ZNRF3: variants seen among roughly 807,000 people sequenced by gnomAD.
The protein encoded by ZNRF3 is E3 ubiquitin-protein ligase ZNRF3.
A neutral mutation model predicts 72.5 loss-of-function variants in ZNRF3; 23 were observed. The ratio of observed to expected loss-of-function variants is 0.32; its 90% CI spans 0.23 to 0.45. The LOEUF (loss-of-function observed/expected upper bound fraction) is 0.45, where lower values mean the gene tolerates loss of function less well. Ranked by LOEUF, ZNRF3 falls within the 20% of genes least tolerant of loss-of-function variation. The pLI, the probability that ZNRF3 is intolerant of heterozygous loss-of-function variation, is 1.00. For missense variants in ZNRF3, 1,169 were observed against 1,272.1 expected (o/e 0.92, Z 1.23); for synonymous variants, 610 against 545.3 (o/e 1.12, Z -1.65).
intron 1 of ZNRF3, among the ~76,000 whole-genome samples, chr22:28,896,840 C>T (rs887290639): frequency 1.3e-5 from 2 of 152,158 alleles, no homozygotes; most frequent in African/African-American, 4.8e-5. Flanking sequence ...CAAGACAATG[C>T]TTGGCTTGCT....
At chr22:28,951,069 T>G (rs1315178013) in intron 1 of ZNRF3, among the ~76,000 whole-genome samples, 3 of 152,244 alleles carry the variant, frequency 2.0e-5, no homozygotes, top group Non-Finnish European at 4.4e-5. Flanking sequence ...ATTATTCATT[T>G]AACTTATTCC....
Position 29,050,542 on chromosome 22 carries a change from G to T in ZNRF3, c.2361G>T (p.Val787=), listed in dbSNP as rs755338562. ...LPCCFYEEKQ[V]ARGGGGGSGC... is the part of the protein sequence containing the mutation. ...GCTGCTTCTATGAAGAGAAGCAGGTGGCCCGCGGGGGCGGAGGGGGCAGCG... is the reference window on the plus strand; with the variant it reads ...GCTGCTTCTATGAAGAGAAGCAGGTTGCCCGCGGGGGCGGAGGGGGCAGCG... The change falls in exon 8 of 9, where the codon GTG becomes GTT. Residue 787 remains valine (V), a synonymous_variant. Transcript: ENST00000544604. 1 of 1,610,414 alleles carries T rather than the reference G, an allele frequency of 6.2e-7. No individual in the cohort carries two copies. Among genetic ancestry groups the T allele is most frequent in the Non-Finnish European group, 8.5e-7 (1 of 1,178,820 alleles).
chr22:28,889,845 G>A (rs1446914897), intron 1 of ZNRF3, among the ~76,000 whole-genome samples: 1 of 152,122 alleles, frequency 6.6e-6, no homozygotes, highest in Admixed American at 6.5e-5. Flanking sequence ...AAAATGAAAC[G>A]GAGCACCTGT....
At chr22:29,034,650 T>C (rs557587991) in intron 2 of ZNRF3, among the ~76,000 whole-genome samples, 1 of 152,360 alleles carries the variant, frequency 6.6e-6, no homozygotes, top group East Asian at 1.9e-4. Context: ...AGGAAAATCA[T>C]TCCCTTAGTA....
In ZNRF3 at chr22:28,935,309, G is replaced by A. The variant is rs138759335; in HGVS notation, c.300+51243G>A. 7.9e-3 allele frequency among the ~76,000 whole-genome samples: 1,200 copies of A among 152,294 alleles called. 17 individuals are homozygous for A. The highest frequency in any genetic ancestry group is 0.028 in the African/African-American group (1,159 of 41,542). On this transcript the variant is annotated intron_variant, in intron 1 of 8. Coordinates refer to ENST00000544604, the MANE Select transcript of ZNRF3 (RefSeq NM_001206998.2). ...GCCCTTTGCCCCTAGAGGTCCCACT[G>A]TGAGTGCCCCAGTCACATGATCCAC...
intron 1 of ZNRF3, among the ~76,000 whole-genome samples, chr22:28,981,761 C>A (rs930416972): frequency 2.6e-5 from 4 of 152,234 alleles, no homozygotes; most frequent in African/African-American, 7.2e-5. Context: ...TTTTGGGAGT[C>A]CAAGGCGGGT....
chr22:28,942,894 A>AT (rs1461764156), intron 1 of ZNRF3, among the ~76,000 whole-genome samples: 2 of 152,028 alleles, frequency 1.3e-5, no homozygotes, highest in East Asian at 1.9e-4. Context: ...GGATTTAGAG[A>AT]TTTTTTTACC....
chr22:29,007,973 C>T (rs1210306161), intron 2 of ZNRF3, among the ~76,000 whole-genome samples: 1 of 151,962 alleles, frequency 6.6e-6, no homozygotes, highest in Non-Finnish European at 1.5e-5. Flanking sequence ...TCAGGCTGGT[C>T]TCGAACTCCC....
intron 1 of ZNRF3, among the ~76,000 whole-genome samples, chr22:28,941,974 A>G (rs940967225): frequency 6.6e-6 from 1 of 152,158 alleles, no homozygotes; most frequent in Non-Finnish European, 1.5e-5. Context: ...AACAACAACA[A>G]CAACAACAAA....
rs1569293213 is a variant in ZNRF3, at chr22:29,042,562, T to C, written c.494T>C (p.Ile165Thr). ...GATGTGTCTGAAAACCCAGAAGCTA[T>C]TGATCAGGTAAGCTCCTCAGGCCAT... Reference protein sequence around the residue: ...IFDVSENPEAIDQLNQGSEDP... With the variant: ...IFDVSENPEATDQLNQGSEDP... Residue 165 changes from isoleucine to threonine, a missense_variant, in exon 3 of 9, where the codon ATT becomes ACT. Ile to Thr is a moderately conservative substitution (Grantham distance 89). This residue lies in a region of ZNRF3 where 386 missense variants were observed against 540.7 expected (regional missense o/e 0.71). Coordinates refer to ENST00000544604, the MANE Select transcript of ZNRF3 (RefSeq NM_001206998.2). 3 of 1,613,462 alleles carry C rather than the reference T, an allele frequency of 1.9e-6. No individual in the cohort carries two copies. The highest frequency in any genetic ancestry group is 1.7e-4 in the Middle Eastern group (1 of 5,718).
At chr22:28,941,630 G>T (rs1470931431) in intron 1 of ZNRF3, among the ~76,000 whole-genome samples, 1 of 152,084 alleles carries the variant, frequency 6.6e-6, no homozygotes, top group African/African-American at 2.4e-5. Flanking sequence ...AAAACAGACT[G>T]CTCAACTGGG....
intron 2 of ZNRF3, among the ~76,000 whole-genome samples, chr22:29,006,227 T>TTTTG (rs2036241737): frequency 6.7e-6 from 1 of 150,284 alleles, no homozygotes; most frequent in Admixed American, 6.6e-5. Context: ...TTTTTTTTTT[T>TTTTG]TTTTTGAGAC....
intron 1 of ZNRF3, among the ~76,000 whole-genome samples, chr22:28,900,497 T>A (rs914007617): frequency 2.0e-5 from 3 of 152,202 alleles, no homozygotes; most frequent in Admixed American, 6.5e-5. Context: ...GTAAGCCAGA[T>A]CAGAGCCCAG....
chr22:28,994,500 T>G (rs1226796472), intron 2 of ZNRF3, among the ~76,000 whole-genome samples: 2 of 152,078 alleles, frequency 1.3e-5, no homozygotes, highest in African/African-American at 4.8e-5. Context: ...CTTCGTTCCT[T>G]TTATCACTCA....
intron 5 of ZNRF3, among the ~76,000 whole-genome samples, chr22:29,046,176 G>A (rs796637751): frequency 3.9e-5 from 6 of 152,168 alleles, no homozygotes; most frequent in African/African-American, 1.4e-4. Flanking sequence ...ACCCCCAAAT[G>A]TATGGCAGGG....
At chr22:29,019,066 A>G (rs1319176423) in intron 2 of ZNRF3, among the ~76,000 whole-genome samples, 3 of 151,528 alleles carry the variant, frequency 2.0e-5, no homozygotes, top group East Asian at 1.9e-4. Flanking sequence ...CTTATCATCC[A>G]GTAGACTAGC....
intron 1 of ZNRF3, among the ~76,000 whole-genome samples, chr22:28,975,345 T>C (rs559816165): frequency 4.0e-5 from 6 of 151,718 alleles, no homozygotes; most frequent in Non-Finnish European, 7.4e-5. Flanking sequence ...CTACTAAAAA[T>C]ACCAAAATTA....
intron 1 of ZNRF3, among the ~76,000 whole-genome samples, chr22:28,904,940 CTTT>C (rs563812107): frequency 7.2e-6 from 1 of 139,546 alleles, no homozygotes; most frequent in Non-Finnish European, 1.6e-5. Context: ...GTGAAAGTGT[CTTT>C]TTTTTTTTTT....
At position 28,883,586 on chromosome 22, in the gene ZNRF3, T is replaced by G; in HGVS notation, c.-181T>G. 1 of 505,914 alleles carries G rather than the reference T, an allele frequency of 2.0e-6. No homozygotes were observed. The highest frequency in any genetic ancestry group is 2.5e-6 in the Non-Finnish European group (1 of 392,394). 31.3% of individuals were successfully genotyped at this position (505,914 alleles called of 1,614,324 possible). A position where few individuals can be genotyped will look rare whatever the true frequency, so the allele number is the denominator to read the frequency against. ...GCCGGGGCGGGGATAACCCCTCACG[T>G]GGAGCAGATGAAAGGGCCGCGGCGC... On this transcript the variant is annotated 5_prime_UTR_variant, in exon 1 of 9. Coordinates refer to ENST00000544604, the MANE Select transcript of ZNRF3 (RefSeq NM_001206998.2). The surrounding 1 kb of genome is among the most constrained non-coding windows in gnomAD (Gnocchi z 5.5).
Sources: gnomAD v4.1 joint callset for allele counts (sites outside exome capture counted in the v4.1 genomes callset) on GRCh38, gnomAD v4.1.1 for gene constraint, gnomAD v4.1.1 regional missense constraint, Gnocchi (gnomAD v3.1) non-coding constraint, MANE v1.5 for transcripts, NCBI Gene and HGNC (gene_info 2026-07-23, HGNC 2026-07-21) for gene names.